CTNNA3: variants seen among roughly 807,000 people sequenced by gnomAD.
CTNNA3 encodes the protein catenin alpha-3.
A neutral mutation model predicts 95.7 loss-of-function variants in CTNNA3; 76 were observed. The ratio of observed to expected loss-of-function variants is 0.79; its 90% CI spans 0.66 to 0.96. CTNNA3 has a LOEUF of 0.96. Among genes scored for constraint, CTNNA3 ranks in the 40% least tolerant of loss-of-function variants. The pLI is 0.00. For synonymous variants in CTNNA3, 431 were observed against 374.4 expected, an observed-to-expected ratio of 1.15 and a Z score of -1.74; for missense variants, 1,191 against 1,089.8, an observed-to-expected ratio of 1.09 and a Z score of -1.31.
At chr10:66,033,662 G>C (rs2079496508) in intron 15 of CTNNA3, among the ~76,000 whole-genome samples, 1 of 151,790 alleles carries the variant, frequency 6.6e-6, no homozygotes, top group South Asian at 2.1e-4. Flanking sequence ...TCTTTAGCTT[G>C]TATGTTCCCT....
At chr10:67,134,973 C>T (rs1467429183) in intron 7 of CTNNA3, among the ~76,000 whole-genome samples, 1 of 152,000 alleles carries the variant, frequency 6.6e-6, no homozygotes, top group African/African-American at 2.4e-5. Flanking sequence ...TAGGCAGACA[C>T]CATTCCATAT....
intron 7 of CTNNA3, among the ~76,000 whole-genome samples, chr10:66,846,490 C>G (rs1435901334): frequency 6.6e-6 from 1 of 151,408 alleles, no homozygotes; most frequent in South Asian, 2.1e-4. Context: ...CACACACACA[C>G]ACACACAAAA....
chr10:66,065,235 TTTTTG>T (rs1554838577), intron 15 of CTNNA3, among the ~76,000 whole-genome samples: 1 of 140,538 alleles, frequency 7.1e-6, no homozygotes, highest in Non-Finnish European at 1.6e-5. Context: ...AAATGGTTTT[TTTTTG>T]TTTTGTTTTG....
chr10:66,306,682 G>A (rs912163255), intron 12 of CTNNA3, among the ~76,000 whole-genome samples: 5 of 152,270 alleles, frequency 3.3e-5, no homozygotes, highest in Non-Finnish European at 2.9e-5. Context: ...CGACCATCGA[G>A]TACTTACGCT....
chr10:66,858,774 C>T (rs11816005), intron 7 of CTNNA3, among the ~76,000 whole-genome samples: 175 of 151,934 alleles, frequency 1.2e-3, no homozygotes, highest in African/African-American at 4.1e-3. Flanking sequence ...TGGATATCCT[C>T]TCTTTTTTCT....
chr10:66,337,229 A>C (rs562415721), intron 12 of CTNNA3, among the ~76,000 whole-genome samples: 27 of 152,098 alleles, frequency 1.8e-4, no homozygotes, highest in Non-Finnish European at 3.4e-4. Context: ...AATATCAATA[A>C]ATTTAATCTG....
intron 13 of CTNNA3, among the ~76,000 whole-genome samples, chr10:66,207,873 T>A (rs1386621945): frequency 6.6e-6 from 1 of 152,020 alleles, no homozygotes; most frequent in Non-Finnish European, 1.5e-5. Context: ...TCTACCTGAT[T>A]TATTTACTCA....
intron 9 of CTNNA3, among the ~76,000 whole-genome samples, chr10:66,662,938 C>T (rs539175047): frequency 3.3e-5 from 5 of 152,040 alleles, no homozygotes; most frequent in Non-Finnish European, 7.4e-5. Flanking sequence ...CTACTTACTA[C>T]TTTCAATTCA....
At chr10:66,167,345 A>C (rs923249525) in intron 13 of CTNNA3, among the ~76,000 whole-genome samples, 1 of 152,170 alleles carries the variant, frequency 6.6e-6, no homozygotes, top group African/African-American at 2.4e-5. Context: ...CAGTTAGAAA[A>C]ACTAAATAGT....
upstream of CTNNA3, among the ~76,000 whole-genome samples, chr10:67,700,406 C>A (rs1412382516): frequency 2.6e-5 from 4 of 152,276 alleles, no homozygotes; most frequent in African/African-American, 9.6e-5. Flanking sequence ...CCTCACACGG[C>A]CAGGTACTCC....
chr10:66,488,936 A>C (rs961902889), intron 11 of CTNNA3, among the ~76,000 whole-genome samples: 1 of 152,172 alleles, frequency 6.6e-6, no homozygotes, highest in Non-Finnish European at 1.5e-5. Context: ...CAAAGATAAA[A>C]GGGTAGATAG....
At chr10:67,535,578 GCTA>G (rs1840464030) in intron 4 of CTNNA3, among the ~76,000 whole-genome samples, 1 of 152,052 alleles carries the variant, frequency 6.6e-6, no homozygotes, top group Non-Finnish European at 1.5e-5. Context: ...ACATGACAAG[GCTA>G]CTGTGATAGG....
At chr10:65,960,047 C>T (rs1589177755) in intron 17 of CTNNA3, among the ~76,000 whole-genome samples, 1 of 152,240 alleles carries the variant, frequency 6.6e-6, no homozygotes, top group East Asian at 1.9e-4. Context: ...ATGTGGACAT[C>T]CTTATTTTGT....
intron 6 of CTNNA3, among the ~76,000 whole-genome samples, chr10:67,214,106 G>C (rs182820285): frequency 6.6e-6 from 1 of 151,598 alleles, no homozygotes; most frequent in Non-Finnish European, 1.5e-5. Context: ...GAGAGTTTAG[G>C]TTTCCTTTTT....
chr10:66,114,042 C>T (rs1000256169), intron 13 of CTNNA3, among the ~76,000 whole-genome samples: 1 of 152,136 alleles, frequency 6.6e-6, no homozygotes, highest in Non-Finnish European at 1.5e-5. Flanking sequence ...TAGAAACACA[C>T]CCTGACCTTC....
chr10:67,261,613 G>T (rs1291880383), intron 5 of CTNNA3, among the ~76,000 whole-genome samples: 1 of 152,142 alleles, frequency 6.6e-6, no homozygotes, highest in East Asian at 1.9e-4. Context: ...CCAGATTTAT[G>T]AATATAGAGC....
At chr10:66,215,286 A>G (rs898988675) in intron 13 of CTNNA3, among the ~76,000 whole-genome samples, 1 of 152,194 alleles carries the variant, frequency 6.6e-6, no homozygotes, top group Admixed American at 6.5e-5. Flanking sequence ...TGGGATATTG[A>G]GTTACTATTT....
chr10:66,176,104 T>C (rs2085696784), intron 13 of CTNNA3, among the ~76,000 whole-genome samples: 1 of 152,162 alleles, frequency 6.6e-6, no homozygotes, highest in African/African-American at 2.4e-5. Flanking sequence ...GCAGAGCCCT[T>C]TCATTGTGGC....
chr10:67,520,134 T>C (rs903689481), intron 5 of CTNNA3, among the ~76,000 whole-genome samples: 1 of 152,204 alleles, frequency 6.6e-6, no homozygotes, highest in African/African-American at 2.4e-5. Flanking sequence ...TTATAAGCAT[T>C]TAAAGATTCA....
Sources: gnomAD v4.1 joint callset for allele counts (sites outside exome capture counted in the v4.1 genomes callset) on GRCh38, gnomAD v4.1.1 for gene constraint, MANE v1.5 for transcripts, NCBI Gene and HGNC (gene_info 2026-07-23, HGNC 2026-07-21) for gene names.